The following SLC38A10 variants were observed in gnomAD, a reference collection of about 807,000 sequenced individuals.
The protein encoded by SLC38A10 is Sodium-coupled neutral amino acid transporter 10.
A neutral mutation model predicts 81.0 loss-of-function variants in SLC38A10; 53 were observed. The ratio of observed to expected loss-of-function variants is 0.65; its 90% CI spans 0.53 to 0.82. The LOEUF (loss-of-function observed/expected upper bound fraction) is 0.82. SLC38A10 is among the 40% of genes least tolerant of loss of function. The pLI, the probability that SLC38A10 is intolerant of heterozygous loss-of-function variation, is 0.00. For synonymous variants in SLC38A10, 665 were observed against 655.3 expected (o/e 1.01, Z -0.23); for missense variants, 1,471 against 1,545.0 (o/e 0.95, Z 0.80).
At position 81,247,307 on chromosome 17, in the gene SLC38A10, C is replaced by G. The variant is rs2062861625; in HGVS notation, c.2066-246G>C. 2.1e-5 allele frequency: 8 copies of G among 386,972 alleles called. No homozygotes were observed. In the South Asian group the frequency reaches 6.3e-4, roughly 30 times the overall value. 24.0% of individuals were successfully genotyped at this position (386,972 alleles called of 1,614,324 possible). A position where few individuals can be genotyped will look rare whatever the true frequency, so the allele number is the denominator to read the frequency against. On this transcript the variant is annotated intron_variant, in intron 14 of 15. Coordinates refer to ENST00000374759, the MANE Select transcript of SLC38A10 (RefSeq NM_001037984.3). ...CCCCTGGAAGCCCACCCGGGATGGC[C>G]TCTCCCGCACAGCCAGCCACTGTGC...
At chr17:81,262,025 G>A (rs1226879260) in intron 10 of SLC38A10, among the ~76,000 whole-genome samples, 1 of 152,184 alleles carries the variant, frequency 6.6e-6, no homozygotes, top group Non-Finnish European at 1.5e-5. Flanking sequence ...AGAGTCCCAG[G>A]GCAGTGGTGG....
intron 10 of SLC38A10, among the ~76,000 whole-genome samples, chr17:81,268,648 A>AATC (rs2063090115): frequency 6.6e-6 from 1 of 152,196 alleles, no homozygotes; most frequent in Non-Finnish European, 1.5e-5. Context: ...TGCCTAGTAT[A>AATC]ATCATTAGAA....
At position 81,270,153 on chromosome 17, in the gene SLC38A10, A is replaced by G. The variant is rs965015544; in HGVS notation, c.1131+765T>C. Among the ~76,000 whole-genome samples, 1 of 152,200 alleles carries G rather than the reference A, an allele frequency of 6.6e-6. No homozygotes were observed. Among genetic ancestry groups the G allele is most frequent in the Non-Finnish European group, 1.5e-5 (1 of 68,042 alleles). ...AGCCTGGAAGGTCCTGGGTGCAGGG[A>G]CAGAGGCCTTGAGCCTGGCTGGGAG... On this transcript the variant is annotated intron_variant, in intron 10 of 15. Coordinates refer to ENST00000374759, the MANE Select transcript of SLC38A10 (RefSeq NM_001037984.3). This position sits in a 1 kb window ranked among gnomAD's most constrained non-coding sequence, Gnocchi z 4.0.
In SLC38A10 at chr17:81,270,793, T is replaced by A. The variant is rs2146925125; in HGVS notation, c.1131+125A>T. 1 of 744,298 alleles carries A rather than the reference T, an allele frequency of 1.3e-6. No homozygotes were observed. 46.1% of individuals were successfully genotyped at this position (744,298 alleles called of 1,614,324 possible). On this transcript the variant is annotated intron_variant, in intron 10 of 15. Transcript: ENST00000374759. The surrounding 1 kb of genome is among the most constrained non-coding windows in gnomAD (Gnocchi z 4.0). ...GGCTGACTGGACCAAGTCCCTTTTG[T>A]GGGTTTTAAGTTTCTTGATAGAACC... is the stretch of plus-strand genomic sequence containing the variant.
chr17:81,295,183 CCA>C lies in SLC38A10; in HGVS notation c.-264_-263del. The C allele has an allele frequency of 3.5e-6, 1 of 284,834 alleles. No homozygotes were observed. The highest frequency in any genetic ancestry group is 5.9e-6 in the Non-Finnish European group (1 of 169,908). 17.6% of individuals were successfully genotyped at this position (284,834 alleles called of 1,614,324 possible). A position where few individuals can be genotyped will look rare whatever the true frequency, so the allele number is the denominator to read the frequency against. ...GCCAAGCCCTGCGGCCGCCTCAGGG[CCA>C]TGCGTCCCTCGCTCGGCCTCGCGGG... On this transcript the variant is annotated 5_prime_UTR_variant, in exon 1 of 16. The change abolishes an upstream ATG in the 5' untranslated region. Transcript: ENST00000374759.
At position 81,253,772 on chromosome 17, in the gene SLC38A10, T is replaced by C. The variant is rs1390353438; in HGVS notation, c.1289-532A>G. ...ACCATCATCATCACCGTCACCATCA[T>C]CACCATCTCCATCCCTACCACCATC... is the stretch of plus-strand genomic sequence containing the variant. On this transcript the variant is annotated intron_variant, in intron 11 of 15. Coordinates refer to ENST00000374759, the MANE Select transcript of SLC38A10 (RefSeq NM_001037984.3). The surrounding 1 kb of genome is among the most constrained non-coding windows in gnomAD (Gnocchi z 4.1). Among the ~76,000 whole-genome samples, 1 of 108,230 alleles carries C rather than the reference T, an allele frequency of 9.2e-6. No individual in the cohort carries two copies. The highest frequency in any genetic ancestry group is 3.3e-5 in the African/African-American group (1 of 30,566). The allele number at this position is 108,230 out of a possible 152,430, so 71.0% of individuals were successfully genotyped here. A position where few individuals can be genotyped will look rare whatever the true frequency, so the allele number is the denominator to read the frequency against.
intron 11 of SLC38A10, among the ~76,000 whole-genome samples, chr17:81,255,938 T>C (rs2062967956): frequency 6.6e-6 from 1 of 152,118 alleles, no homozygotes; most frequent in Non-Finnish European, 1.5e-5. Flanking sequence ...GCCAATATCG[T>C]GCCACTGCAC....
At position 81,289,899 on chromosome 17, in the gene SLC38A10, C is replaced by T; in HGVS notation, c.100-91G>A. The T allele has an allele frequency of 9.8e-7, 1 of 1,020,056 alleles. No homozygotes were observed. Among genetic ancestry groups the T allele is most frequent in the Non-Finnish European group, 1.4e-6 (1 of 711,694 alleles). The allele number at this position is 1,020,056 out of a possible 1,614,324, so 63.2% of individuals were successfully genotyped here. A position where few individuals can be genotyped will look rare whatever the true frequency, so the allele number is the denominator to read the frequency against. On this transcript the variant is annotated intron_variant, in intron 1 of 15. Transcript: ENST00000374759. This position sits in a 1 kb window ranked among gnomAD's most constrained non-coding sequence, Gnocchi z 5.9. ...ACACGCGGCTCATGAGGACCCTCTTCACCCCCAGGCCCCGCTCCATCCCAG... is the reference window on the plus strand; with the variant it reads ...ACACGCGGCTCATGAGGACCCTCTTTACCCCCAGGCCCCGCTCCATCCCAG...
intron 10 of SLC38A10, chr17:81,263,494 C>A: frequency 6.6e-6 from 1 of 152,350 alleles, no homozygotes; most frequent in Non-Finnish European, 1.5e-5. Flanking sequence ...GATGGTGACG[C>A]CCCGGGCGCA....
intron 11 of SLC38A10, among the ~76,000 whole-genome samples, chr17:81,256,677 C>T (rs1194317979): frequency 3.9e-5 from 6 of 152,232 alleles, no homozygotes; most frequent in African/African-American, 1.4e-4. Context: ...GACGTGACTT[C>T]AAAGCTAGTC....
In SLC38A10 at chr17:81,282,231, G is replaced by A. The variant is rs1467224327; in HGVS notation, c.459C>T (p.Phe153=). 1.2e-6 allele frequency: 2 copies of A among 1,613,630 alleles called. No individual in the cohort carries two copies. The highest frequency in any genetic ancestry group is 1.7e-6 in the Non-Finnish European group (2 of 1,180,028). The part of the protein sequence containing the change: ...QRNMMASIQS[F]SAMALLFYTV... ...TGTAGAAGAGGAGGGCCATGGCGCT[G>A]AAGGACTGGATGGAGGCCATCATGT... Residue 153 remains phenylalanine (F), a synonymous_variant, in exon 5 of 16, where the codon TTC becomes TTT. Coordinates refer to ENST00000374759, the MANE Select transcript of SLC38A10 (RefSeq NM_001037984.3).
intron 11 of SLC38A10, among the ~76,000 whole-genome samples, chr17:81,258,576 C>T (rs1326483137): frequency 1.3e-5 from 2 of 152,046 alleles, no homozygotes; most frequent in Non-Finnish European, 2.9e-5. Flanking sequence ...TCCCCGGCAG[C>T]CTGCTGGACG....
chr17:81,261,847 C>A (rs993431183), intron 10 of SLC38A10, among the ~76,000 whole-genome samples: 4 of 152,224 alleles, frequency 2.6e-5, no homozygotes, highest in Non-Finnish European at 5.9e-5. Flanking sequence ...TGACGGCAGG[C>A]CTGCCCCAGG....
intron 4 of SLC38A10, 30 bp from the exon 5 acceptor site, chr17:81,282,362 ACAGCCCGTGCCTGCTCAC>A (rs1441933464): frequency 3.2e-6 from 5 of 1,584,872 alleles, no homozygotes; most frequent in Non-Finnish European, 3.4e-6. Context: ...GGTCTTGGCC[ACAGCCCGTGCCTGCTCAC>A]CACCGGGCTC....
rs1397229894 is a variant in SLC38A10, at chr17:81,275,251, C to T, written c.912+718G>A. Among the ~76,000 whole-genome samples the T allele has an allele frequency of 2.0e-5, 3 of 152,032 alleles. No individual in the cohort carries two copies. In the East Asian group the frequency reaches 5.8e-4, roughly 29 times the overall value. ...AAAGACAGGGTCTTGCTCTGTTGCC[C>T]CAGCTGGAGTGTAGTGATGCATTCA... On this transcript the variant is annotated intron_variant, in intron 8 of 15. Coordinates refer to ENST00000374759, the MANE Select transcript of SLC38A10 (RefSeq NM_001037984.3).
rs139114049 is a variant in SLC38A10, at chr17:81,288,619, C to T, written c.217+1072G>A. 1 of 152,416 alleles carries T rather than the reference C, an allele frequency of 6.6e-6. No individual in the cohort carries two copies. The highest frequency in any genetic ancestry group is 1.9e-4 in the East Asian group (1 of 5,192). The allele number at this position is 152,416 out of a possible 1,614,324, so 9.4% of individuals were successfully genotyped here. A position where few individuals can be genotyped will look rare whatever the true frequency, so the allele number is the denominator to read the frequency against. On this transcript the variant is annotated intron_variant, in intron 2 of 15. Transcript: ENST00000374759. This position sits in a 1 kb window ranked among gnomAD's most constrained non-coding sequence, Gnocchi z 5.4. ...GACAAACAACGTAGAAAATATTCCA[C>T]ACTGAAATGAAGCAGAAAGCGCAGC...
intron 8 of SLC38A10, among the ~76,000 whole-genome samples, chr17:81,275,625 G>A (rs1029358394): frequency 6.0e-5 from 9 of 148,950 alleles, no homozygotes; most frequent in Non-Finnish European, 1.0e-4. Flanking sequence ...CCAGCTACAC[G>A]GGAGGCTGAG....
At position 81,276,062 on chromosome 17, in the gene SLC38A10, G is replaced by A. The variant is rs769548194; in HGVS notation, c.819C>T (p.Leu273=). The A allele has an allele frequency of 3.1e-6, 5 of 1,613,866 alleles. No individual in the cohort carries two copies. The highest frequency in any genetic ancestry group is 4.5e-5 in the East Asian group (2 of 44,892). The change falls in exon 8 of 16, where the codon CTC becomes CTT. Residue 273 remains leucine, a synonymous_variant. Coordinates refer to ENST00000374759, the MANE Select transcript of SLC38A10 (RefSeq NM_001037984.3). The surrounding 1 kb of genome is among the most constrained non-coding windows in gnomAD (Gnocchi z 4.7). ...HFPSNLVTEM[L]RVGFMMSVAV... Reference sequence around the variant, plus strand: ...CCACTGACATCATGAAGCCCACACGGAGCATCTCCGTCACCAGGTTGGAGG... The same window carrying A: ...CCACTGACATCATGAAGCCCACACGAAGCATCTCCGTCACCAGGTTGGAGG...
chr17:81,260,116 G>A (rs886643166), intron 11 of SLC38A10, 122 bp downstream of exon 11: 18 of 1,283,086 alleles, frequency 1.4e-5, no homozygotes, highest in Admixed American at 2.8e-5. Context: ...GCCCCACCCT[G>A]CTGGCTGCAC....
Sources: allele counts gnomAD v4.1 joint callset (sites outside exome capture counted in the v4.1 genomes callset), GRCh38; gene constraint gnomAD v4.1.1; non-coding constraint Gnocchi (gnomAD v3.1); transcripts MANE v1.5; gene names NCBI Gene and HGNC (gene_info 2026-07-23, HGNC 2026-07-21).